Variants in LETM1 observed in about 807,000 individuals in gnomAD.
LETM1 encodes the protein mitochondrial proton/calcium exchanger protein.
LETM1 carries 50 observed loss-of-function variants against 74.5 expected under a neutral mutation model. The observed-to-expected ratio is 0.67, with a 90% CI of 0.53 to 0.85. The LOEUF is 0.85. LETM1 is among the 40% of genes least tolerant of loss of function. LETM1 has a pLI of 0.00. For missense variants in LETM1, 824 were observed against 967.8 expected (o/e 0.85, Z 1.97); for synonymous variants, 446 against 407.1 (o/e 1.10, Z -1.15).
At chr4:1,823,526 G>A in intron 8 of LETM1, 118 bp downstream of exon 8, 1 of 1,272,980 alleles carries the variant, frequency 7.9e-7, no homozygotes, top group Non-Finnish European at 1.1e-6. Flanking sequence ...GAGGGGGTGG[G>A]AGGCAGGCTC....
chr4:1,848,732 A>G (rs945011436), intron 2 of LETM1, among the ~76,000 whole-genome samples: 20 of 150,904 alleles, frequency 1.3e-4, no homozygotes, highest in South Asian at 4.2e-4. Flanking sequence ...AAAAAAAAAA[A>G]AAAAGAAAAA....
rs559865574 is a variant in LETM1 at position 1,834,756 on chromosome 4, C to T, written c.876+89G>A. ...AAGCGCCAGCCAGCACCTGGGGGAG[C>T]TCCACTCTGCTGAGCACAGCGAAAG... On this transcript the variant is annotated intron_variant, in intron 5 of 13. Transcript: ENST00000302787. The surrounding 1 kb of genome is among the most constrained non-coding windows in gnomAD (Gnocchi z 5.0). The T allele has an allele frequency of 6.4e-7, 1 of 1,558,208 alleles. No homozygotes were observed. Among genetic ancestry groups the T allele is most frequent in the Admixed American group, 1.8e-5 (1 of 54,918 alleles).
chr4:1,844,736 A>G (rs1202608339), intron 2 of LETM1, among the ~76,000 whole-genome samples: 1 of 151,088 alleles, frequency 6.6e-6, no homozygotes, highest in Non-Finnish European at 1.5e-5. Context: ...TGACAGAGTG[A>G]GACTGTCTTA....
intron 1 of LETM1, among the ~76,000 whole-genome samples, chr4:1,855,264 A>C (rs942007427): frequency 6.6e-6 from 1 of 152,216 alleles, no homozygotes; most frequent in Non-Finnish European, 1.5e-5. Context: ...AGGTGGGCAC[A>C]CCCTGGGACA....
intron 3 of LETM1, among the ~76,000 whole-genome samples, chr4:1,837,275 A>G (rs1299821426): frequency 1.3e-5 from 2 of 152,074 alleles, no homozygotes; most frequent in Non-Finnish European, 2.9e-5. Flanking sequence ...ACGCCCTGAG[A>G]GCAGCAATGT....
At chr4:1,835,635 G>A (rs1421748217) in intron 4 of LETM1, among the ~76,000 whole-genome samples, 1 of 152,168 alleles carries the variant, frequency 6.6e-6, no homozygotes, top group African/African-American at 2.4e-5. Flanking sequence ...CACATGACTG[G>A]GCATCGCAGG....
chr4:1,837,614 A>G (rs1287062985), intron 3 of LETM1, among the ~76,000 whole-genome samples: 1 of 151,998 alleles, frequency 6.6e-6, no homozygotes, highest in Non-Finnish European at 1.5e-5. Context: ...TTTACATACC[A>G]TAACATTCAA....
At chr4:1,823,804 G>T in intron 7 of LETM1, 29 bp from the exon 8 acceptor site, 1 of 1,589,760 alleles carries the variant, frequency 6.3e-7, no homozygotes, top group Non-Finnish European at 8.6e-7. Flanking sequence ...TCAGCAGATG[G>T]GCAGCCCCCC....
intron 1 of LETM1, among the ~76,000 whole-genome samples, chr4:1,851,797 G>A (rs1429194498): frequency 2.6e-5 from 4 of 152,352 alleles, no homozygotes; most frequent in Non-Finnish European, 5.9e-5. Context: ...CGCCCGGCAA[G>A]CAGGCAGGCT....
intron 6 of LETM1, among the ~76,000 whole-genome samples, chr4:1,829,523 T>C (rs1276426954): frequency 6.6e-6 from 1 of 152,244 alleles, no homozygotes; most frequent in African/African-American, 2.4e-5. Context: ...ATGGTAAAGA[T>C]GCCGTTCTTG....
At chr4:1,845,106 C>T (rs1369521148) in intron 2 of LETM1, among the ~76,000 whole-genome samples, 1 of 151,864 alleles carries the variant, frequency 6.6e-6, no homozygotes, top group Non-Finnish European at 1.5e-5. Context: ...AGGAGAATTG[C>T]TTGAACTTGG....
chr4:1,818,999 G>C (rs1711679309), intron 11 of LETM1, among the ~76,000 whole-genome samples: 1 of 151,062 alleles, frequency 6.6e-6, no homozygotes. Flanking sequence ...CACAAGAATT[G>C]CTTGAACCCA....
At chr4:1,835,048 T>C (rs577513480) in intron 4 of LETM1, 66 bp from the exon 5 acceptor site, 32 of 1,536,676 alleles carry the variant, frequency 2.1e-5, no homozygotes, top group Non-Finnish European at 2.8e-5. Flanking sequence ...GGAAAACATC[T>C]CACGCCTGTG....
rs527994396 is a variant in LETM1, at chr4:1,856,039, G to A, written c.-89C>T. The A allele has an allele frequency of 1.8e-5, 15 of 821,836 alleles. No individual in the cohort carries two copies. The African/African-American group carries it at 2.7e-4, about 15-fold the overall frequency. 50.9% of individuals were successfully genotyped at this position (821,836 alleles called of 1,614,324 possible). A position where few individuals can be genotyped will look rare whatever the true frequency, so the allele number is the denominator to read the frequency against. On this transcript the variant is annotated 5_prime_UTR_variant, in exon 1 of 14. Transcript: ENST00000302787. ...TCTTCGCCGTCCCGGCGGCGCTTCA[G>A]ACCCGGCCCGCGCGGACGGCTGACA...
Position 1,841,731 on chromosome 4 carries a change from G to T in LETM1, c.210C>A (p.Leu70=), listed in dbSNP as rs758945105. 6.2e-7 allele frequency: 1 copy of T among 1,614,174 alleles called. No homozygotes were observed. The highest frequency in any genetic ancestry group is 8.5e-7 in the Non-Finnish European group (1 of 1,180,034). ...ACTCGGGCCTCAGAGCCCAACAGCC[G>T]AGGTGATCGCCTCTGGAGGATGTGT... is the stretch of plus-strand genomic sequence containing the variant. The part of the protein sequence containing the change: ...PVYTSSRGDH[L]GCWALRPECL... Residue 70 remains leucine, a synonymous_variant, in exon 3 of 14, where the codon CTC becomes CTA. Transcript: ENST00000302787.
At chr4:1,837,507 A>G (rs1712498590) in intron 3 of LETM1, among the ~76,000 whole-genome samples, 1 of 152,150 alleles carries the variant, frequency 6.6e-6, no homozygotes, top group East Asian at 1.9e-4. Flanking sequence ...TTTATTCCCA[A>G]ACGGTGCCAT....
intron 10 of LETM1, 57 bp from the exon 11 acceptor site, chr4:1,819,529 TC>T (rs1330124992): frequency 1.3e-6 from 2 of 1,560,942 alleles, no homozygotes; most frequent in African/African-American, 2.7e-5. Flanking sequence ...ACTGGCCTGT[TC>T]CCAAGTGACC....
At chr4:1,815,590 A>G (rs112609214) in intron 13 of LETM1, 74 bp downstream of exon 13, 3 of 1,561,342 alleles carry the variant, frequency 1.9e-6, no homozygotes, top group South Asian at 2.3e-5. Context: ...CGGACATGCA[A>G]TGAACAGTCC....
chr4:1,853,212 A>G (rs1482792369), intron 1 of LETM1, among the ~76,000 whole-genome samples: 2 of 151,742 alleles, frequency 1.3e-5, no homozygotes, highest in African/African-American at 2.4e-5. Flanking sequence ...CACAGCCCTC[A>G]CTGTTGTCCC....
Sources: allele counts gnomAD v4.1 joint callset (sites outside exome capture counted in the v4.1 genomes callset), GRCh38; gene constraint gnomAD v4.1.1; non-coding constraint Gnocchi (gnomAD v3.1); transcripts MANE v1.5; gene names NCBI Gene and HGNC (gene_info 2026-07-23, HGNC 2026-07-21).